The following TXNDC11 variants were observed in gnomAD, a reference collection of about 807,000 sequenced individuals.
TXNDC11 encodes thioredoxin domain containing 11, also known as thioredoxin domain-containing protein 11.
TXNDC11 carries 68 observed loss-of-function variants against 78.0 expected under a neutral mutation model. The ratio of observed to expected loss-of-function variants is 0.87; its 90% CI spans 0.72 to 1.07. The LOEUF (loss-of-function observed/expected upper bound fraction) is 1.07. Ranked by LOEUF, TXNDC11 falls within the 50% of genes least tolerant of loss-of-function variation. The probability of loss-of-function intolerance (pLI) is 0.00; values close to 1 mark genes in which losing one functional copy is unlikely to be tolerated. For synonymous variants in TXNDC11, 571 were observed against 495.2 expected (o/e 1.15, Z -2.03); for missense variants, 1,389 against 1,221.8 (o/e 1.14, Z -2.04).
At chr16:11,703,251 T>C (rs1405018169) in intron 5 of TXNDC11, among the ~76,000 whole-genome samples, 1 of 152,222 alleles carries the variant, frequency 6.6e-6, no homozygotes, top group Non-Finnish European at 1.5e-5. Flanking sequence ...GACTGGATGC[T>C]GTAAAACTAA....
intron 9 of TXNDC11, 111 bp downstream of exon 9, chr16:11,688,192 C>A (rs566195901): frequency 8.2e-7 from 1 of 1,213,648 alleles, no homozygotes; most frequent in Non-Finnish European, 1.2e-6. Context: ...TGGGCCATCA[C>A]GTGGTTACTC....
At chr16:11,701,114 T>C (rs1279183627) in intron 5 of TXNDC11, among the ~76,000 whole-genome samples, 1 of 151,140 alleles carries the variant, frequency 6.6e-6, no homozygotes, top group Non-Finnish European at 1.5e-5. Flanking sequence ...AGATTTCCTT[T>C]GGCCCAATGT....
chr16:11,700,899 T>C (rs1337777733), intron 5 of TXNDC11, among the ~76,000 whole-genome samples: 1 of 152,188 alleles, frequency 6.6e-6, no homozygotes. Context: ...TGGACACTTC[T>C]TGTGGCTGGT....
intron 5 of TXNDC11, among the ~76,000 whole-genome samples, chr16:11,716,900 C>A (rs1420891826): frequency 1.1e-4 from 17 of 151,896 alleles, no homozygotes; most frequent in Admixed American, 1.1e-3. Flanking sequence ...CAGAAATAGA[C>A]CCAAATCCAT....
chr16:11,715,070 G>A (rs1370902826), intron 5 of TXNDC11, among the ~76,000 whole-genome samples: 24 of 152,204 alleles, frequency 1.6e-4, no homozygotes, highest in Admixed American at 1.6e-3. Context: ...GGGCAACACA[G>A]TGAAACCCCG....
intron 5 of TXNDC11, among the ~76,000 whole-genome samples, chr16:11,711,047 A>G (rs1185393331): frequency 6.6e-6 from 1 of 152,062 alleles, no homozygotes; most frequent in Non-Finnish European, 1.5e-5. Flanking sequence ...CATGCTAGAT[A>G]GTCAAGAGTT....
chr16:11,726,312 G>A (rs777018232), intron 4 of TXNDC11, among the ~76,000 whole-genome samples: 16 of 152,072 alleles, frequency 1.1e-4, no homozygotes, highest in African/African-American at 1.2e-4. Flanking sequence ...GCCGTGTGCG[G>A]TGCCTCACGC....
intron 5 of TXNDC11, among the ~76,000 whole-genome samples, chr16:11,719,434 C>T (rs2051638279): frequency 6.6e-6 from 1 of 152,204 alleles, no homozygotes. Flanking sequence ...ACTTATATGA[C>T]AGCTTTTCTC....
intron 10 of TXNDC11, among the ~76,000 whole-genome samples, chr16:11,685,003 T>TG (rs1473464596): frequency 6.6e-6 from 1 of 152,200 alleles, no homozygotes; most frequent in Non-Finnish European, 1.5e-5. Flanking sequence ...AAAGCATAAC[T>TG]GGGGGGAGTG....
chr16:11,733,856 G>T, intron 3 of TXNDC11, 126 bp downstream of exon 3: 1 of 660,628 alleles, frequency 1.5e-6, no homozygotes, highest in Non-Finnish European at 2.6e-6. Flanking sequence ...TTTAATTTTT[G>T]CTTATCTGTA....
At chr16:11,727,271 T>C (rs936380724) in intron 4 of TXNDC11, among the ~76,000 whole-genome samples, 2 of 151,946 alleles carry the variant, frequency 1.3e-5, no homozygotes, top group African/African-American at 4.8e-5. Flanking sequence ...AGGAGGAAAT[T>C]ATCACACATA....
At chr16:11,720,389 C>T (rs2051666858) in intron 5 of TXNDC11, among the ~76,000 whole-genome samples, 1 of 150,592 alleles carries the variant, frequency 6.6e-6, no homozygotes, top group Non-Finnish European at 1.5e-5. Flanking sequence ...TTTAACTATA[C>T]ACACAAAAAA....
At chr16:11,689,087 C>CTTTTTTT (rs34967613) in intron 8 of TXNDC11, among the ~76,000 whole-genome samples, 14 of 143,154 alleles carry the variant, frequency 9.8e-5, no homozygotes, top group African/African-American at 3.7e-4. Flanking sequence ...TTGAATTTCA[C>CTTTTTTT]TTTTTTTTTT....
At position 11,684,440 on chromosome 16, in the gene TXNDC11, G is replaced by T. The variant is rs191346522; in HGVS notation, c.2154-195C>A. 2.1e-3 allele frequency among the ~76,000 whole-genome samples: 321 copies of T among 152,284 alleles called. 3 individuals are homozygous for T. Among genetic ancestry groups the T allele is most frequent in the African/African-American group, 7.4e-3 (306 of 41,562 alleles). ...AAGACATACAACATTCTACTACGTG[G>T]ACGCTTTCCACTGAGTGGCAATGTG... On this transcript the variant is annotated intron_variant, in intron 10 of 11. Transcript: ENST00000283033.
intron 7 of TXNDC11, 37 bp downstream of exon 7, chr16:11,698,088 A>T: frequency 6.3e-7 from 1 of 1,596,996 alleles, no homozygotes; most frequent in Non-Finnish European, 8.6e-7. Context: ...AGGCTTTCCT[A>T]CTCCTCATGA....
At chr16:11,707,306 C>G (rs1038127048) in intron 5 of TXNDC11, among the ~76,000 whole-genome samples, 2 of 149,494 alleles carry the variant, frequency 1.3e-5, no homozygotes, top group South Asian at 2.1e-4. Flanking sequence ...GTAGTCCCAG[C>G]TATTTGGGAG....
rs756743339 is a variant in TXNDC11, at chr16:11,691,843, G to A, written c.1347C>T (p.Thr449=). 1 of 1,614,274 alleles carries A rather than the reference G, an allele frequency of 6.2e-7. No individual in the cohort carries two copies. The highest frequency in any genetic ancestry group is 8.5e-7 in the Non-Finnish European group (1 of 1,180,048). The change falls in exon 8 of 12, where the codon ACC becomes ACT. Residue 449 remains threonine (T), a synonymous_variant. Coordinates refer to ENST00000283033, the MANE Select transcript of TXNDC11 (RefSeq NM_015914.7). ...HNVCELCVNQ[T]SGGMKPSSVS... is the part of the protein sequence containing the mutation. ...CCGAGCTCGGCTTCATGCCCCCGGA[G>A]GTCTGGTTGACACAGAGTTCACAGA...
chr16:11,732,351 C>T (rs145404950), intron 3 of TXNDC11, among the ~76,000 whole-genome samples: 1 of 152,182 alleles, frequency 6.6e-6, no homozygotes, highest in African/African-American at 2.4e-5. Context: ...TACACCCCCC[C>T]ACTAGGCTTC....
intron 5 of TXNDC11, among the ~76,000 whole-genome samples, chr16:11,717,315 G>A (rs1272003501): frequency 3.3e-5 from 5 of 150,894 alleles, no homozygotes; most frequent in African/African-American, 4.9e-5. Flanking sequence ...GTGGGCGCCT[G>A]TAGTCCTAGC....
Sources: gnomAD v4.1 joint callset for allele counts (sites outside exome capture counted in the v4.1 genomes callset) on GRCh38, gnomAD v4.1.1 for gene constraint, MANE v1.5 for transcripts, NCBI Gene and HGNC (gene_info 2026-07-23, HGNC 2026-07-21) for gene names.